Variants in TTC39B observed in about 807,000 individuals in gnomAD.
TTC39B encodes the protein tetratricopeptide repeat domain 39B.
Under a neutral mutation model 96.6 loss-of-function variants are expected in TTC39B, and 92 were observed. The ratio of observed to expected loss-of-function variants is 0.95; its 90% CI spans 0.80 to 1.13. The LOEUF (loss-of-function observed/expected upper bound fraction) is 1.13. Among genes scored for constraint, TTC39B ranks in the 50% most tolerant of loss-of-function variants. TTC39B has a pLI of 0.00. For synonymous variants in TTC39B, 367 were observed against 299.4 expected (o/e 1.23, Z -2.33); for missense variants, 955 against 809.3 (o/e 1.18, Z -2.18).
intron 2 of TTC39B, among the ~76,000 whole-genome samples, chr9:15,226,970 T>C (rs1425274467): frequency 2.0e-5 from 3 of 150,928 alleles, no homozygotes; most frequent in African/African-American, 7.3e-5. Context: ...AAGTTTTGCG[T>C]GTTTTTTTGT....
At chr9:15,186,316 G>T (rs188081906) in intron 15 of TTC39B, among the ~76,000 whole-genome samples, 119 of 149,494 alleles carry the variant, frequency 8.0e-4, no homozygotes, top group African/African-American at 2.7e-3. Flanking sequence ...TGAGGTGGGG[G>T]TCAGAGGAAG....
Position 15,305,935 on chromosome 9 carries a change from G to C in TTC39B, c.240+1149C>G, listed in dbSNP as rs1824739461. On this transcript the variant is annotated intron_variant, in intron 1 of 19. Coordinates refer to ENST00000512701, the Ensembl canonical transcript of TTC39B. ...CCTCAATGCAAGGGACAGGCTGTAA[G>C]CAAGGGTCTGGACAGCCCGGCTTGC... Among the ~76,000 whole-genome samples, 7 of 152,024 alleles carry C rather than the reference G, an allele frequency of 4.6e-5. 1 individual carries two copies. The highest frequency in any genetic ancestry group is 3.9e-4 in the Admixed American group (6 of 15,256).
chr9:15,264,463 G>C (rs924134468), intron 2 of TTC39B, among the ~76,000 whole-genome samples: 1 of 151,970 alleles, frequency 6.6e-6, no homozygotes, highest in Non-Finnish European at 1.5e-5. Flanking sequence ...AGATCAGCCT[G>C]GCCAACATAG....
At chr9:15,206,467 A>G (rs546468193) in intron 6 of TTC39B, among the ~76,000 whole-genome samples, 2 of 152,350 alleles carry the variant, frequency 1.3e-5, no homozygotes, top group South Asian at 4.1e-4. Flanking sequence ...AATAAAATAC[A>G]GCTTAATTTA....
At chr9:15,190,241 C>CA (rs924787623) in intron 11 of TTC39B, among the ~76,000 whole-genome samples, 13 of 147,494 alleles carry the variant, frequency 8.8e-5, no homozygotes, top group African/African-American at 2.0e-4. Flanking sequence ...TACCTTTATT[C>CA]AAAAAAAAAA....
intron 2 of TTC39B, among the ~76,000 whole-genome samples, chr9:15,235,536 A>C (rs1821738954): frequency 6.6e-6 from 1 of 152,168 alleles, no homozygotes; most frequent in Non-Finnish European, 1.5e-5. Context: ...GTCAACACTA[A>C]AGAAAAAATT....
intron 3 of TTC39B, among the ~76,000 whole-genome samples, chr9:15,225,033 C>T (rs1821046674): frequency 6.6e-6 from 1 of 152,098 alleles, no homozygotes; most frequent in Admixed American, 6.5e-5. Flanking sequence ...ATGAAAAGTA[C>T]TTTCTCATGT....
chr9:15,259,233 T>G (rs960900672), intron 2 of TTC39B, among the ~76,000 whole-genome samples: 2 of 152,186 alleles, frequency 1.3e-5, no homozygotes, highest in African/African-American at 4.8e-5. Context: ...CTGCCCTAAA[T>G]CAAAGTTATG....
intron 8 of TTC39B, among the ~76,000 whole-genome samples, chr9:15,198,978 T>C (rs1465069064): frequency 6.6e-6 from 1 of 152,156 alleles, no homozygotes; most frequent in Admixed American, 6.5e-5. Flanking sequence ...AAAAGGTTAA[T>C]TCATTAGGAA....
chr9:15,164,617 G>C (rs1252087793), exon 20 of TTC39B: 1 of 152,028 alleles, frequency 6.6e-6, no homozygotes, highest in Non-Finnish European at 1.5e-5. Context: ...CTTTACATTT[G>C]ATTTAGCAAT....
rs116393107 is a variant in TTC39B, at chr9:15,208,870, G to C, written c.691+1218C>G. Among the ~76,000 whole-genome samples the C allele has an allele frequency of 5.0e-3, 764 of 152,278 alleles. 7 individuals carry two copies. Among genetic ancestry groups the C allele is most frequent in the African/African-American group, 0.017 (727 of 41,550 alleles). ...CCAAGTTCTCCAACGTCCATAACAA[G>C]TTGATAATACTCATCTAACAAAATA... On this transcript the variant is annotated intron_variant, in intron 6 of 19. Coordinates refer to ENST00000512701, the Ensembl canonical transcript of TTC39B.
At chr9:15,233,983 A>C (rs1318428623) in intron 2 of TTC39B, among the ~76,000 whole-genome samples, 1 of 141,222 alleles carries the variant, frequency 7.1e-6, no homozygotes, top group Non-Finnish European at 1.5e-5. Flanking sequence ...ATCGTCTGAG[A>C]TGTGGGGAGC....
intron 2 of TTC39B, among the ~76,000 whole-genome samples, chr9:15,263,690 A>G (rs943897438): frequency 8.5e-5 from 13 of 152,250 alleles, no homozygotes; most frequent in Admixed American, 6.5e-4. Context: ...ATCAAAATCA[A>G]CTGCAGACTC....
chr9:15,292,585 T>G (rs1352095499), intron 1 of TTC39B, among the ~76,000 whole-genome samples: 2 of 152,140 alleles, frequency 1.3e-5, no homozygotes, highest in African/African-American at 4.8e-5. Context: ...CAGGAGGTAT[T>G]TCAGAAGACG....
intron 2 of TTC39B, among the ~76,000 whole-genome samples, chr9:15,228,089 T>C (rs1821224663): frequency 6.6e-6 from 1 of 152,166 alleles, no homozygotes; most frequent in Non-Finnish European, 1.5e-5. Flanking sequence ...TTTCCCCCAA[T>C]GATTTGACAT....
intron 1 of TTC39B, among the ~76,000 whole-genome samples, chr9:15,295,434 G>A (rs527598370): frequency 5.3e-5 from 8 of 152,308 alleles, no homozygotes; most frequent in Middle Eastern, 3.4e-3. Flanking sequence ...TTTAGAGTTA[G>A]GGAATCTAGC....
intron 1 of TTC39B, among the ~76,000 whole-genome samples, chr9:15,289,744 G>C (rs1343998760): frequency 6.6e-6 from 1 of 152,126 alleles, no homozygotes; most frequent in Non-Finnish European, 1.5e-5. Flanking sequence ...ACTCGTAATG[G>C]CTTAGAAATG....
intron 16 of TTC39B, chr9:15,183,564 C>G: frequency 3.3e-6 from 1 of 301,990 alleles, no homozygotes; most frequent in South Asian, 2.8e-5. Context: ...AGTTAACCTT[C>G]CCTATGGTTC....
chr9:15,297,125 G>T (rs1006924893), intron 1 of TTC39B, among the ~76,000 whole-genome samples: 3 of 152,204 alleles, frequency 2.0e-5, no homozygotes, highest in Non-Finnish European at 4.4e-5. Flanking sequence ...GGCATATACT[G>T]TGCTCCAACC....
Sources: allele counts gnomAD v4.1 joint callset (sites outside exome capture counted in the v4.1 genomes callset), GRCh38; gene constraint gnomAD v4.1.1; transcripts MANE v1.5; gene names NCBI Gene and HGNC (gene_info 2026-07-23, HGNC 2026-07-21).